Variants in GRAMD2B observed in about 807,000 individuals in gnomAD.
The protein encoded by GRAMD2B is GRAM domain containing 2B.
GRAMD2B carries 41 observed loss-of-function variants against 59.2 expected under a neutral mutation model. That is an observed-to-expected ratio of 0.69 (90% CI 0.54 to 0.90). GRAMD2B has a LOEUF of 0.90. GRAMD2B is among the 40% of genes least tolerant of loss of function. The pLI is 0.00. For missense variants in GRAMD2B, 424 were observed against 500.5 expected, an observed-to-expected ratio of 0.85 and a Z score of 1.46; for synonymous variants, 161 against 182.7, an observed-to-expected ratio of 0.88 and a Z score of 0.96.
chr5:126,457,913 C>T (rs1766622950), intron 1 of GRAMD2B, among the ~76,000 whole-genome samples: 1 of 152,104 alleles, frequency 6.6e-6, no homozygotes. Flanking sequence ...TTCTCCATAA[C>T]ATTGTGATTC....
At chr5:126,446,601 T>A (rs1170857468) in intron 1 of GRAMD2B, among the ~76,000 whole-genome samples, 1 of 142,738 alleles carries the variant, frequency 7.0e-6, no homozygotes. Flanking sequence ...ATGTTTACAT[T>A]CCCCAAGCTT....
chr5:126,386,764 G>T (rs1211646810), intron 1 of GRAMD2B, among the ~76,000 whole-genome samples: 2 of 152,102 alleles, frequency 1.3e-5, no homozygotes, highest in Non-Finnish European at 2.9e-5. Flanking sequence ...GTCAGATGGG[G>T]CTAATAGCAT....
At position 126,480,437 on chromosome 5, in the gene GRAMD2B, A is replaced by T. The variant is rs1165426413; in HGVS notation, c.583-19A>T. The T allele has an allele frequency of 6.4e-7, 1 of 1,555,430 alleles. No homozygotes were observed. Among genetic ancestry groups the T allele is most frequent in the Admixed American group, 1.7e-5 (1 of 59,892 alleles). Reference sequence around the variant, plus strand: ...CATCCGGCAATATCTATTCATAATTATCCTGTTTTGTTTTTCAGTACATAT... The same window carrying T: ...CATCCGGCAATATCTATTCATAATTTTCCTGTTTTGTTTTTCAGTACATAT... On this transcript the variant is annotated intron_variant, in intron 6 of 13. Transcript: ENST00000285689.
At chr5:126,419,107 T>G (rs562453895), upstream of GRAMD2B, among the ~76,000 whole-genome samples, 1 of 152,304 alleles carries the variant, frequency 6.6e-6, no homozygotes, top group East Asian at 1.9e-4. Context: ...ACTATAATAT[T>G]TGACCATACA....
intron 1 of GRAMD2B, among the ~76,000 whole-genome samples, chr5:126,455,823 T>C (rs572605137): frequency 1.1e-4 from 16 of 152,370 alleles, no homozygotes; most frequent in Admixed American, 5.9e-4. Flanking sequence ...GGTGTCATGC[T>C]TATTTCTTCC....
At chr5:126,465,973 G>A (rs1214556492) in intron 2 of GRAMD2B, among the ~76,000 whole-genome samples, 1 of 152,204 alleles carries the variant, frequency 6.6e-6, no homozygotes, top group African/African-American at 2.4e-5. Flanking sequence ...CAGACTAAGA[G>A]GGAGGGTTGG....
At chr5:126,391,463 G>A (rs1308049381) in intron 1 of GRAMD2B, among the ~76,000 whole-genome samples, 1 of 151,604 alleles carries the variant, frequency 6.6e-6, no homozygotes, top group Non-Finnish European at 1.5e-5. Flanking sequence ...AATAAAACCT[G>A]TCCAAATAAC....
chr5:126,435,640 G>T (rs1209081752), intron 1 of GRAMD2B, among the ~76,000 whole-genome samples: 1 of 152,220 alleles, frequency 6.6e-6, no homozygotes, highest in Middle Eastern at 3.2e-3. Context: ...AGAGAGGGCT[G>T]AATGACCTGA....
chr5:126,422,199 A>ATTT (rs11293263), upstream of GRAMD2B, among the ~76,000 whole-genome samples: 116 of 144,000 alleles, frequency 8.1e-4, no homozygotes, highest in Admixed American at 2.1e-3. Flanking sequence ...TTATGCACGG[A>ATTT]TTTTTTTTTT....
intron 1 of GRAMD2B, among the ~76,000 whole-genome samples, chr5:126,416,085 A>C (rs997536865): frequency 6.6e-6 from 1 of 152,230 alleles, no homozygotes; most frequent in African/African-American, 2.4e-5. Context: ...AAGGAAAGGA[A>C]GTAGCTGTAT....
intron 1 of GRAMD2B, among the ~76,000 whole-genome samples, chr5:126,408,686 A>G (rs1275537292): frequency 1.7e-5 from 1 of 60,590 alleles, no homozygotes; most frequent in Admixed American, 1.9e-4. Context: ...TCTGCCTGAG[A>G]CTCTTTTTTT....
chr5:126,427,933 T>C (rs1247893087), intron 1 of GRAMD2B, among the ~76,000 whole-genome samples: 4 of 152,194 alleles, frequency 2.6e-5, no homozygotes, highest in African/African-American at 9.6e-5. Flanking sequence ...TTTTTTTAAT[T>C]TCCAGGTCAT....
At position 126,385,509 on chromosome 5, in the gene GRAMD2B, T is replaced by C. The variant is rs537219813; in HGVS notation, c.125+13942T>C. Among the ~76,000 whole-genome samples, 236 of 152,360 alleles carry C rather than the reference T, an allele frequency of 1.5e-3. 1 individual carries two copies. The highest frequency in any genetic ancestry group is 3.0e-3 in the Non-Finnish European group (201 of 68,032). ...ACATAGGAAAGAGATAACCATTTACTTAAAGAAAACATCCATTTTTAATTT... is the reference window on the plus strand; with the variant it reads ...ACATAGGAAAGAGATAACCATTTACCTAAAGAAAACATCCATTTTTAATTT... On this transcript the variant is annotated intron_variant, in intron 1 of 8. Coordinates refer to the GRAMD2B transcript ENST00000506445.
rs1293732250 is a variant in GRAMD2B at position 126,423,434 on chromosome 5, G to T, written c.-173G>T. 6 of 1,406,004 alleles carry T rather than the reference G, an allele frequency of 4.3e-6. No homozygotes were observed. Among genetic ancestry groups the T allele is most frequent in the Non-Finnish European group, 4.6e-6 (5 of 1,085,942 alleles). The allele number at this position is 1,406,004 out of a possible 1,614,324, so 87.1% of individuals were successfully genotyped here. ...AATCGCGCCCGCTCCGACGTGTCCAGGTCCGCGGCCCCGGGAGCTTGGCGC... is the reference window on the plus strand; with the variant it reads ...AATCGCGCCCGCTCCGACGTGTCCATGTCCGCGGCCCCGGGAGCTTGGCGC... On this transcript the variant is annotated 5_prime_UTR_variant, in exon 1 of 14. It adds an upstream start codon to the 5' untranslated region. Coordinates refer to ENST00000285689, the MANE Select transcript of GRAMD2B (RefSeq NM_023927.4).
At chr5:126,486,408 C>T (rs1402246431) in intron 11 of GRAMD2B, among the ~76,000 whole-genome samples, 1 of 152,198 alleles carries the variant, frequency 6.6e-6, no homozygotes, top group Non-Finnish European at 1.5e-5. Flanking sequence ...ACTTTTTTAA[C>T]TTCTAGCGTG....
At chr5:126,418,186 CCAG>C (rs1759418407) in intron 1 of GRAMD2B, among the ~76,000 whole-genome samples, 1 of 152,156 alleles carries the variant, frequency 6.6e-6, no homozygotes, top group Non-Finnish European at 1.5e-5. Context: ...CCTACAGAAC[CCAG>C]CATGAAAACC....
chr5:126,418,434 C>A (rs1233336953), upstream of GRAMD2B, among the ~76,000 whole-genome samples: 1 of 152,182 alleles, frequency 6.6e-6, no homozygotes, highest in Non-Finnish European at 1.5e-5. Flanking sequence ...TATCCTCTGG[C>A]CCCTGGACCA....
At chr5:126,489,252 A>C (rs1773509434) in intron 13 of GRAMD2B, among the ~76,000 whole-genome samples, 1 of 152,234 alleles carries the variant, frequency 6.6e-6, no homozygotes, top group Non-Finnish European at 1.5e-5. Flanking sequence ...GCTTGGCCAG[A>C]AAGTACAGCC....
At position 126,488,815 on chromosome 5, in the gene GRAMD2B, G is replaced by A. The variant is rs1291575007; in HGVS notation, c.1180G>A (p.Gly394Ser). 1.2e-6 allele frequency: 2 copies of A among 1,612,956 alleles called. No homozygotes were observed. Among genetic ancestry groups the A allele is most frequent in the Non-Finnish European group, 1.7e-6 (2 of 1,179,236 alleles). Residue 394 changes from glycine (G) to serine (S), a missense_variant, in exon 13 of 14, where the codon GGC becomes AGC. By Grantham distance (56) the Gly-to-Ser change is moderately conservative (BLOSUM62 0). Coordinates refer to ENST00000285689, the MANE Select transcript of GRAMD2B (RefSeq NM_023927.4). ...THNTEQAAPS[G>S]LRSQVQFNVE... ...TTCTTACAGACAGGCAGCACCATCT[G>A]GCCTGAGGTCACAAGTACAATTCAA...
Sources: allele counts gnomAD v4.1 joint callset (sites outside exome capture counted in the v4.1 genomes callset), GRCh38; gene constraint gnomAD v4.1.1; transcripts MANE v1.5; gene names NCBI Gene and HGNC (gene_info 2026-07-23, HGNC 2026-07-21).